MARCHF7: variants seen among roughly 807,000 people sequenced by gnomAD.
MARCHF7 encodes membrane associated ring-CH-type finger 7.
In MARCHF7, 20 loss-of-function variants were observed where a neutral mutation model predicts 76.5. The observed-to-expected ratio is 0.26, with a 90% CI of 0.18 to 0.38. The LOEUF (loss-of-function observed/expected upper bound fraction) is 0.38, where lower values mean the gene tolerates loss of function less well. Among genes scored for constraint, MARCHF7 ranks in the 10% least tolerant of loss-of-function variants. The probability of loss-of-function intolerance (pLI) is 1.00; values close to 1 mark genes in which losing one functional copy is unlikely to be tolerated. For synonymous variants in MARCHF7, 295 were observed against 293.0 expected (o/e 1.01, Z -0.07); for missense variants, 797 against 812.9 (o/e 0.98, Z 0.24).
intron 3 of MARCHF7, among the ~76,000 whole-genome samples, chr2:159,724,091 G>C (rs1165238046): frequency 2.0e-5 from 3 of 152,140 alleles, no homozygotes; most frequent in African/African-American, 7.2e-5. Flanking sequence ...TTTGGTCGTT[G>C]TGTTTTGTTG....
chr2:159,747,161 G>A (rs191466214), intron 6 of MARCHF7, among the ~76,000 whole-genome samples: 1 of 152,226 alleles, frequency 6.6e-6, no homozygotes, highest in Admixed American at 6.5e-5. Flanking sequence ...AAGTGCAGAT[G>A]TCATAGCCCT....
At chr2:159,736,298 A>G (rs894770653) in intron 4 of MARCHF7, among the ~76,000 whole-genome samples, 4 of 152,214 alleles carry the variant, frequency 2.6e-5, no homozygotes, top group Non-Finnish European at 5.9e-5. Flanking sequence ...TTCTGATTCT[A>G]GCCATCCCAA....
chr2:159,761,218 T>C (rs557908582), intron 9 of MARCHF7, among the ~76,000 whole-genome samples: 4 of 151,600 alleles, frequency 2.6e-5, no homozygotes, highest in African/African-American at 9.7e-5. Flanking sequence ...GGGACGGGGC[T>C]TCACCATGTT....
chr2:159,724,753 T>C (rs1307920697), intron 3 of MARCHF7, among the ~76,000 whole-genome samples: 2 of 152,246 alleles, frequency 1.3e-5, no homozygotes, highest in Non-Finnish European at 2.9e-5. Context: ...TACATATGTA[T>C]ACATGTGCCA....
intron 8 of MARCHF7, among the ~76,000 whole-genome samples, chr2:159,755,057 G>C (rs1706121363): frequency 6.6e-6 from 1 of 152,154 alleles, no homozygotes; most frequent in Non-Finnish European, 1.5e-5. Flanking sequence ...AGGCAAATAT[G>C]ATGAAGGGAG....
intron 7 of MARCHF7, among the ~76,000 whole-genome samples, chr2:159,751,482 A>G (rs1705639723): frequency 6.6e-6 from 1 of 152,196 alleles, no homozygotes; most frequent in Non-Finnish European, 1.5e-5. Flanking sequence ...CAATCTTTAA[A>G]AATAATTTAT....
intron 3 of MARCHF7, among the ~76,000 whole-genome samples, chr2:159,716,520 C>T (rs1392386556): frequency 2.6e-5 from 4 of 151,896 alleles, no homozygotes; most frequent in Non-Finnish European, 5.9e-5. Flanking sequence ...TATGGTGGTG[C>T]GTGCCTGTAG....
intron 7 of MARCHF7, among the ~76,000 whole-genome samples, chr2:159,749,273 C>T (rs1052675090): frequency 6.6e-6 from 1 of 151,990 alleles, no homozygotes; most frequent in African/African-American, 2.4e-5. Flanking sequence ...CCACTGTGCC[C>T]AGCCTAAAAC....
chr2:159,717,947 T>C (rs1701222985), intron 3 of MARCHF7, among the ~76,000 whole-genome samples: 1 of 152,224 alleles, frequency 6.6e-6, no homozygotes. Flanking sequence ...GAAAGATGTT[T>C]TACTATGTGT....
chr2:159,749,772 A>G (rs1341272107), intron 7 of MARCHF7, among the ~76,000 whole-genome samples: 1 of 152,166 alleles, frequency 6.6e-6, no homozygotes, highest in Non-Finnish European at 1.5e-5. Context: ...CAGAAAGTAA[A>G]GGTTATTTTA....
At position 159,767,565 on chromosome 2, in the gene MARCHF7, A is replaced by G. The variant is rs887912310; in HGVS notation, c.*223A>G. The G allele has an allele frequency of 1.3e-4, 49 of 382,514 alleles. No individual in the cohort carries two copies. The East Asian group carries it at 2.2e-3, about 17-fold the overall frequency. The allele number at this position is 382,514 out of a possible 1,614,324, so 23.7% of individuals were successfully genotyped here. A position where few individuals can be genotyped will look rare whatever the true frequency, so the allele number is the denominator to read the frequency against. On this transcript the variant is annotated 3_prime_UTR_variant, in exon 12 of 12. Transcript: ENST00000409175. Reference sequence around the variant, plus strand: ...AACATAGCAAATCCGATGTTTATAAACTGGTAATCAAAAAGGTTTTTTCTT... The same window carrying G: ...AACATAGCAAATCCGATGTTTATAAGCTGGTAATCAAAAAGGTTTTTTCTT...
At chr2:159,738,453 C>T (rs1703731918) in intron 4 of MARCHF7, among the ~76,000 whole-genome samples, 1 of 152,116 alleles carries the variant, frequency 6.6e-6, no homozygotes. Context: ...TGTCCCACGT[C>T]CAGAGAGAAT....
chr2:159,743,481 T>G (rs1340193737), intron 5 of MARCHF7, among the ~76,000 whole-genome samples: 3 of 152,236 alleles, frequency 2.0e-5, no homozygotes, highest in Non-Finnish European at 4.4e-5. Flanking sequence ...AGATTTTAAT[T>G]AGAATAGCTG....
At chr2:159,753,310 GC>G (rs1705882490) in intron 8 of MARCHF7, among the ~76,000 whole-genome samples, 2 of 152,204 alleles carry the variant, frequency 1.3e-5, no homozygotes, top group African/African-American at 4.8e-5. Context: ...GGTGGCTCAT[GC>G]CTGTAATCCC....
intron 4 of MARCHF7, among the ~76,000 whole-genome samples, chr2:159,739,654 C>T (rs67562610): frequency 0.32 from 48,361 of 151,726 alleles, 9,662 homozygotes; most frequent in Admixed American, 0.48. Flanking sequence ...CAAAGAATTC[C>T]GAGGGAAAAA....
chr2:159,759,365 G>A, intron 9 of MARCHF7, 30 bp downstream of exon 9: 2 of 1,223,140 alleles, frequency 1.6e-6, no homozygotes, highest in Non-Finnish European at 1.2e-6. Flanking sequence ...TTTGGTAAGT[G>A]TCTATTCTAT....
At chr2:159,718,987 T>G (rs1409539769) in intron 3 of MARCHF7, among the ~76,000 whole-genome samples, 1 of 152,202 alleles carries the variant, frequency 6.6e-6, no homozygotes, top group Admixed American at 6.5e-5. Context: ...GCACTTCTAA[T>G]TGCTTATTAT....
intron 10 of MARCHF7, among the ~76,000 whole-genome samples, chr2:159,764,067 A>G (rs1047163448): frequency 2.0e-5 from 3 of 152,192 alleles, no homozygotes; most frequent in African/African-American, 7.2e-5. Flanking sequence ...TGTGTTTTTA[A>G]AAGTTCATAT....
intron 4 of MARCHF7, among the ~76,000 whole-genome samples, chr2:159,736,182 TG>T (rs952732271): frequency 1.3e-5 from 2 of 152,222 alleles, no homozygotes; most frequent in African/African-American, 4.8e-5. Context: ...TTCAATCGTT[TG>T]GGGAACTGCC....
Sources: allele counts gnomAD v4.1 joint callset (sites outside exome capture counted in the v4.1 genomes callset), GRCh38; gene constraint gnomAD v4.1.1; transcripts MANE v1.5; gene names NCBI Gene and HGNC (gene_info 2026-07-23, HGNC 2026-07-21).